The following PRDM16 variants were observed in gnomAD, a reference collection of about 807,000 sequenced individuals.
PRDM16 encodes histone-lysine N-methyltransferase PRDM16.
A neutral mutation model predicts 110.6 loss-of-function variants in PRDM16; 23 were observed. The ratio of observed to expected loss-of-function variants is 0.21; its 90% CI spans 0.15 to 0.29. The LOEUF (loss-of-function observed/expected upper bound fraction) is 0.29. PRDM16 is among the 10% of genes least tolerant of loss of function. PRDM16 has a pLI of 1.00. For synonymous variants in PRDM16, 799 were observed against 781.8 expected, an observed-to-expected ratio of 1.02 and a Z score of -0.37; for missense variants, 1,615 against 1,794.3, an observed-to-expected ratio of 0.90 and a Z score of 1.81.
At chr1:3,117,043 GC>G (rs976603533) in intron 1 of PRDM16, among the ~76,000 whole-genome samples, 26 of 152,240 alleles carry the variant, frequency 1.7e-4, no homozygotes, top group Admixed American at 6.5e-5. Flanking sequence ...GGTGGGCACA[GC>G]TGCCCCCAGG....
chr1:3,194,680 A>C (rs1251590298), intron 2 of PRDM16, among the ~76,000 whole-genome samples: 47 of 116,878 alleles, frequency 4.0e-4, no homozygotes, highest in African/African-American at 8.9e-4. Flanking sequence ...CCACCGTCTG[A>C]TCGCCACACG....
At position 3,404,752 on chromosome 1, in the gene PRDM16, A is replaced by G. The variant is rs780699187; in HGVS notation, c.898A>G (p.Met300Val). The G allele has an allele frequency of 8.1e-6, 13 of 1,613,350 alleles. No individual in the cohort carries two copies. Among genetic ancestry groups the G allele is most frequent in the Admixed American group, 3.3e-5 (2 of 59,990 alleles). ...TCCTCTGCGCAGCCTGGAGCAGCAC[A>G]TGGTCATCCACACGGAGGAGCGCGA... ...FPNKYSLEQH[M>V]VIHTEEREYK... The change falls in exon 7 of 17, where the codon ATG (methionine) becomes GTG (valine). Residue 300 changes from methionine to valine, a missense_variant. Coordinates refer to ENST00000270722, the MANE Select transcript of PRDM16 (RefSeq NM_022114.4).
chr1:3,396,609 C>T lies in PRDM16; in HGVS notation c.676+16C>T, dbSNP rs775445143. ...GGCCTGGACGGTAAGACCCCTCCCC[C>T]AAACCGGGCCACGGCCCCTGGGAGC... On this transcript the variant is annotated intron_variant, in intron 5 of 16. Coordinates refer to ENST00000270722, the MANE Select transcript of PRDM16 (RefSeq NM_022114.4). The T allele has an allele frequency of 9.5e-6, 13 of 1,361,794 alleles. No individual in the cohort carries two copies. The East Asian group carries it at 2.9e-4, about 30-fold the overall frequency. 84.4% of individuals were successfully genotyped at this position (1,361,794 alleles called of 1,614,324 possible).
intron 3 of PRDM16, among the ~76,000 whole-genome samples, chr1:3,285,757 G>A (rs936835761): frequency 2.6e-5 from 4 of 152,136 alleles, no homozygotes; most frequent in African/African-American, 9.7e-5. Context: ...CCCAGGCCAT[G>A]GCAGAGGAAA....
intron 1 of PRDM16, among the ~76,000 whole-genome samples, chr1:3,103,003 A>G (rs1642567991): frequency 6.6e-6 from 1 of 152,224 alleles, no homozygotes; most frequent in South Asian, 2.1e-4. Context: ...TCCTGTGTGC[A>G]CAGAGGCGTT....
chr1:3,377,042 C>T (rs542748277), intron 3 of PRDM16, among the ~76,000 whole-genome samples: 63 of 152,346 alleles, frequency 4.1e-4, no homozygotes, highest in African/African-American at 1.4e-3. Context: ...TTCGGCTACT[C>T]GTGGACACCA....
chr1:3,372,681 A>G (rs1326107962), intron 3 of PRDM16, among the ~76,000 whole-genome samples: 1 of 152,270 alleles, frequency 6.6e-6, no homozygotes, highest in Non-Finnish European at 1.5e-5. Flanking sequence ...CTTCAGGCTC[A>G]GAGCCTCCTC....
At chr1:3,427,370 G>A (rs572373741) in intron 14 of PRDM16, among the ~76,000 whole-genome samples, 5 of 152,322 alleles carry the variant, frequency 3.3e-5, no homozygotes, top group Admixed American at 6.5e-5. Flanking sequence ...GAAGTGGGGT[G>A]TCTTGCTCAG....
At chr1:3,328,154 G>A (rs540934347) in intron 3 of PRDM16, among the ~76,000 whole-genome samples, 8 of 152,210 alleles carry the variant, frequency 5.3e-5, no homozygotes, top group Admixed American at 1.3e-4. Flanking sequence ...CCAGGCCTGC[G>A]AGAAGCTCCA....
intron 1 of PRDM16, among the ~76,000 whole-genome samples, chr1:3,072,775 G>A (rs1342818391): frequency 1.3e-5 from 2 of 152,180 alleles, no homozygotes; most frequent in Admixed American, 1.3e-4. Context: ...CCAGCGTCTT[G>A]CCCCGCTTCG....
intron 3 of PRDM16, among the ~76,000 whole-genome samples, chr1:3,305,972 G>C (rs886678609): frequency 6.6e-6 from 1 of 152,244 alleles, no homozygotes; most frequent in African/African-American, 2.4e-5. Flanking sequence ...TCAAGGTCAC[G>C]TGCTGGGTAC....
chr1:3,120,152 C>T (rs186306962), intron 1 of PRDM16, among the ~76,000 whole-genome samples: 13 of 150,412 alleles, frequency 8.6e-5, no homozygotes, highest in Non-Finnish European at 1.5e-4. Flanking sequence ...CCCTCACCGT[C>T]GGCAGAGTTA....
At chr1:3,347,362 A>G (rs1435321420) in intron 3 of PRDM16, among the ~76,000 whole-genome samples, 1 of 152,230 alleles carries the variant, frequency 6.6e-6, no homozygotes, top group African/African-American at 2.4e-5. Flanking sequence ...GGCCACAGCC[A>G]CTGGCTCCCT....
At chr1:3,259,111 C>T (rs1178495585) in intron 3 of PRDM16, among the ~76,000 whole-genome samples, 3 of 152,190 alleles carry the variant, frequency 2.0e-5, no homozygotes, top group East Asian at 1.9e-4. Context: ...CACCCTGGGT[C>T]GGTGGGGAGC....
At chr1:3,229,666 G>A (rs759563471) in intron 2 of PRDM16, among the ~76,000 whole-genome samples, 3 of 152,250 alleles carry the variant, frequency 2.0e-5, no homozygotes, top group Middle Eastern at 3.4e-3. Flanking sequence ...CCTGCTGTCC[G>A]TGCTGACCTC....
At chr1:3,264,490 G>A (rs1203618167) in intron 3 of PRDM16, among the ~76,000 whole-genome samples, 1 of 150,662 alleles carries the variant, frequency 6.6e-6, no homozygotes, top group East Asian at 2.0e-4. Flanking sequence ...GCCAGGAGGA[G>A]AGGAAAGGGG....
In PRDM16 at chr1:3,251,602, C is replaced by T. The variant is rs368528744; in HGVS notation, c.438+7465C>T. Among the ~76,000 whole-genome samples, 28 of 152,150 alleles carry T rather than the reference C, an allele frequency of 1.8e-4. No individual in the cohort carries two copies. In the South Asian group the frequency reaches 3.7e-3, roughly 20 times the overall value. On this transcript the variant is annotated intron_variant, in intron 3 of 16. Transcript: ENST00000270722. ...GGAACCAGCACCCCTTCTCCACAAC[C>T]GAACCGACGCCACAGGGTGCCCAGG...
intron 1 of PRDM16, among the ~76,000 whole-genome samples, chr1:3,125,048 A>G (rs1363800328): frequency 6.6e-6 from 1 of 152,154 alleles, no homozygotes; most frequent in Non-Finnish European, 1.5e-5. Flanking sequence ...TGTCTCTGGG[A>G]AAACCTGATC....
intron 2 of PRDM16, among the ~76,000 whole-genome samples, chr1:3,202,811 C>T (rs143149673): frequency 6.6e-6 from 1 of 152,326 alleles, no homozygotes; most frequent in Non-Finnish European, 1.5e-5. Flanking sequence ...CCATCGTGGC[C>T]TCTGGGCCTC....
Sources: allele counts gnomAD v4.1 joint callset (sites outside exome capture counted in the v4.1 genomes callset), GRCh38; gene constraint gnomAD v4.1.1; transcripts MANE v1.5; gene names NCBI Gene and HGNC (gene_info 2026-07-23, HGNC 2026-07-21).